LRP1B: variants seen among roughly 807,000 people sequenced by gnomAD.
LRP1B encodes the protein low-density lipoprotein receptor-related protein 1B.
LRP1B carries 217 observed loss-of-function variants against 556.6 expected under a neutral mutation model. The ratio of observed to expected loss-of-function variants is 0.39; its 90% CI spans 0.35 to 0.44. The LOEUF is 0.44. Ranked by LOEUF, LRP1B falls within the 20% of genes least tolerant of loss-of-function variation. The pLI is 1.00. For synonymous variants in LRP1B, 2,047 were observed against 1,865.8 expected (o/e 1.10, Z -2.50); for missense variants, 5,053 against 5,620.8 (o/e 0.90, Z 3.23).
chr2:141,243,918 T>C (rs1334866236), intron 5 of LRP1B, among the ~76,000 whole-genome samples: 1 of 152,172 alleles, frequency 6.6e-6, no homozygotes, highest in East Asian at 1.9e-4. Flanking sequence ...TACAATTATT[T>C]CTTAAAGATG....
chr2:141,986,508 C>A (rs538004939), intron 1 of LRP1B, among the ~76,000 whole-genome samples: 23 of 151,790 alleles, frequency 1.5e-4, no homozygotes, highest in African/African-American at 5.3e-4. Flanking sequence ...CCTCATTTTT[C>A]TTTAGTTTAT....
chr2:141,121,722 CCTT>C (rs1475131284), intron 7 of LRP1B, among the ~76,000 whole-genome samples: 1 of 152,088 alleles, frequency 6.6e-6, no homozygotes, highest in African/African-American at 2.4e-5. Context: ...CTATCAATGA[CCTT>C]CTTCACAGAA....
At chr2:141,244,568 T>C (rs969741317) in intron 5 of LRP1B, among the ~76,000 whole-genome samples, 8 of 152,188 alleles carry the variant, frequency 5.3e-5, no homozygotes, top group African/African-American at 1.9e-4. Flanking sequence ...CTAGCACTTG[T>C]CAGATATAGC....
At chr2:141,322,948 G>A (rs1687298368) in intron 3 of LRP1B, among the ~76,000 whole-genome samples, 1 of 152,094 alleles carries the variant, frequency 6.6e-6, no homozygotes, top group Non-Finnish European at 1.5e-5. Context: ...TGAGCTTGAA[G>A]ATTTTTCTGC....
intron 66 of LRP1B, among the ~76,000 whole-genome samples, chr2:140,441,863 T>C (rs1049445279): frequency 5.9e-5 from 9 of 152,246 alleles, no homozygotes; most frequent in African/African-American, 2.2e-4. Flanking sequence ...ATACTCTTGA[T>C]TTCTGTCTCA....
chr2:141,394,688 A>G (rs1028048701), intron 3 of LRP1B, among the ~76,000 whole-genome samples: 34 of 152,250 alleles, frequency 2.2e-4, no homozygotes, highest in African/African-American at 7.9e-4. Flanking sequence ...GTACAAATGT[A>G]TATTCTTTTT....
At chr2:142,102,209 C>T (rs1334136556) in intron 1 of LRP1B, among the ~76,000 whole-genome samples, 2 of 151,922 alleles carry the variant, frequency 1.3e-5, no homozygotes, top group East Asian at 1.9e-4. Flanking sequence ...CGTCTCAAAA[C>T]ATTAGCCTTA....
At chr2:140,606,039 G>A (rs1011586153) in intron 41 of LRP1B, among the ~76,000 whole-genome samples, 14 of 151,898 alleles carry the variant, frequency 9.2e-5, no homozygotes, top group Admixed American at 1.3e-4. Context: ...GAGAGAGAGA[G>A]ACAGAGAGAG....
At chr2:142,015,608 T>A (rs1703095661) in intron 1 of LRP1B, among the ~76,000 whole-genome samples, 1 of 151,784 alleles carries the variant, frequency 6.6e-6, no homozygotes, top group Admixed American at 6.6e-5. Flanking sequence ...TGAGAGAAAA[T>A]TTTTGCAATC....
chr2:141,501,927 T>C lies in LRP1B; in HGVS notation c.206-21394A>G, dbSNP rs35363313. Among the ~76,000 whole-genome samples the C allele has an allele frequency of 1.9e-3, 284 of 151,922 alleles. 1 individual carries two copies. The highest frequency in any genetic ancestry group is 0.015 in the Admixed American group (223 of 15,236). On this transcript the variant is annotated intron_variant, in intron 2 of 90. Transcript: ENST00000389484. ...AAACAACTATGGCTTTTTTTTTTCC[T>C]GTCTGTCAAATGTTGAAAAGAAGGC...
intron 60 of LRP1B, among the ~76,000 whole-genome samples, chr2:140,457,978 G>A (rs1218386389): frequency 6.6e-6 from 1 of 152,004 alleles, no homozygotes; most frequent in Non-Finnish European, 1.5e-5. Flanking sequence ...GTGTGTGTGT[G>A]TGTATGTGTG....
chr2:141,779,929 C>T (rs1695196787), intron 2 of LRP1B, among the ~76,000 whole-genome samples: 1 of 151,522 alleles, frequency 6.6e-6, no homozygotes, highest in South Asian at 2.1e-4. Context: ...ATTCCTACTT[C>T]TATCATTTAA....
intron 3 of LRP1B, among the ~76,000 whole-genome samples, chr2:141,441,887 G>A (rs1680991542): frequency 6.6e-6 from 1 of 152,160 alleles, no homozygotes; most frequent in Non-Finnish European, 1.5e-5. Flanking sequence ...TTCAAATCTG[G>A]TAATCAAGGT....
chr2:141,781,198 A>G (rs1351414732), intron 2 of LRP1B, among the ~76,000 whole-genome samples: 1 of 152,176 alleles, frequency 6.6e-6, no homozygotes, highest in Non-Finnish European at 1.5e-5. Context: ...CCCAGTGAGC[A>G]CTATATTTTT....
intron 43 of LRP1B, among the ~76,000 whole-genome samples, chr2:140,554,569 T>C (rs1680659002): frequency 6.6e-6 from 1 of 152,092 alleles, no homozygotes; most frequent in African/African-American, 2.4e-5. Context: ...TAAAATGGCT[T>C]CTTTTTCCTC....
rs377577096 is a variant in LRP1B at position 141,909,526 on chromosome 2, A to ATTT, written c.83-99128_83-99126dup. ...ATTTAATCAGACTAAGGTCTCAGAC[A>ATTT]TTTTTTTTTTTTTTTTTTTTTTTTT... On this transcript the variant is annotated intron_variant, in intron 1 of 90. Transcript: ENST00000389484. Among the ~76,000 whole-genome samples the ATTT allele has an allele frequency of 2.4e-3, 227 of 93,326 alleles. 5 individuals are homozygous for ATTT. The highest frequency in any genetic ancestry group is 8.5e-3 in the African/African-American group (182 of 21,400). 61.2% of individuals were successfully genotyped at this position (93,326 alleles called of 152,430 possible).
chr2:141,184,659 T>G (rs1391206512), intron 7 of LRP1B, among the ~76,000 whole-genome samples: 1 of 151,888 alleles, frequency 6.6e-6, no homozygotes, highest in Non-Finnish European at 1.5e-5. Context: ...TAATAGCTCC[T>G]ATGTCACGTC....
intron 2 of LRP1B, among the ~76,000 whole-genome samples, chr2:141,756,415 A>C (rs1362943557): frequency 1.3e-5 from 2 of 152,080 alleles, no homozygotes; most frequent in Non-Finnish European, 2.9e-5. Flanking sequence ...ATTTCCCAAA[A>C]ACATTCATCC....
intron 6 of LRP1B, among the ~76,000 whole-genome samples, chr2:141,200,229 GA>G (rs1359784437): frequency 1.3e-5 from 2 of 152,066 alleles, no homozygotes; most frequent in African/African-American, 4.8e-5. Flanking sequence ...ATACACCAAA[GA>G]AAACTATGTA....
Sources: gnomAD v4.1 joint callset for allele counts (sites outside exome capture counted in the v4.1 genomes callset) on GRCh38, gnomAD v4.1.1 for gene constraint, MANE v1.5 for transcripts, NCBI Gene and HGNC (gene_info 2026-07-23, HGNC 2026-07-21) for gene names.